The following TLE2 variants were observed in gnomAD, a reference collection of about 807,000 sequenced individuals.
TLE2 encodes TLE family member 2, transcriptional corepressor.
In TLE2, 74 loss-of-function variants were observed where a neutral mutation model predicts 97.2. That is an observed-to-expected ratio of 0.76 (90% CI 0.63 to 0.92). The LOEUF (loss-of-function observed/expected upper bound fraction) is 0.92, where lower values mean the gene tolerates loss of function less well. TLE2 is among the 40% of genes least tolerant of loss of function. The pLI is 0.00. For missense variants in TLE2, 1,038 were observed against 1,008.7 expected, an observed-to-expected ratio of 1.03 and a Z score of -0.39; for synonymous variants, 499 against 432.1, an observed-to-expected ratio of 1.15 and a Z score of -1.92.
upstream of TLE2, among the ~76,000 whole-genome samples, chr19:3,029,383 G>GC (rs556716112): frequency 1.9e-3 from 263 of 139,514 alleles, no homozygotes; most frequent in African/African-American, 5.4e-3. Flanking sequence ...CCGCGCCCGC[G>GC]CCCCCCCCGG....
At chr19:3,017,919 A>T (rs1222691356) in intron 7 of TLE2, 60 bp from the exon 8 acceptor site, 1 of 1,553,964 alleles carries the variant, frequency 6.4e-7, no homozygotes, top group Non-Finnish European at 8.8e-7. Context: ...GTTTGTATCC[A>T]CGGCGCCAGA....
At position 3,028,988 on chromosome 19, in the gene TLE2, G is replaced by C; in HGVS notation, c.-84C>G. On this transcript the variant is annotated 5_prime_UTR_variant, in exon 1 of 20. Transcript: ENST00000262953. ...AGAGTGGGGGAGGCTGAAGTGGGGT[G>C]GTGGGGAGGCTGCCCGAAGAAAGAG... 1 of 1,555,660 alleles carries C rather than the reference G, an allele frequency of 6.4e-7. No individual in the cohort carries two copies. Among genetic ancestry groups the C allele is most frequent in the East Asian group, 2.3e-5 (1 of 44,216 alleles).
At chr19:3,038,646 G>A (rs1368535383) in intron 1 of TLE2, among the ~76,000 whole-genome samples, 3 of 152,202 alleles carry the variant, frequency 2.0e-5, no homozygotes, top group African/African-American at 4.8e-5. Context: ...GGTGGCTCAC[G>A]CCTGTAATCC....
intron 12 of TLE2, 42 bp downstream of exon 12, chr19:3,010,980 C>A (rs370136153): frequency 1.3e-6 from 2 of 1,577,992 alleles, no homozygotes; most frequent in African/African-American, 2.7e-5. Context: ...TCCCCAGAGA[C>A]GAGGCCTGCT....
intron 19 of TLE2, among the ~76,000 whole-genome samples, chr19:3,000,376 G>C (rs2089329383): frequency 6.6e-6 from 1 of 151,952 alleles, no homozygotes; most frequent in South Asian, 2.1e-4. Context: ...TGCCCGGCTG[G>C]CAAATTTTAA....
At chr19:3,002,670 A>G (rs1411368713) in intron 17 of TLE2, among the ~76,000 whole-genome samples, 167 bp from the exon 18 acceptor site, 1 of 150,374 alleles carries the variant, frequency 6.7e-6, no homozygotes, top group Non-Finnish European at 1.5e-5. Context: ...CCAGAAGCTG[A>G]GACTACAGGC....
intron 19 of TLE2, among the ~76,000 whole-genome samples, chr19:2,998,945 C>T (rs181251891): frequency 6.6e-6 from 1 of 152,260 alleles, no homozygotes; most frequent in Non-Finnish European, 1.5e-5. Flanking sequence ...TTAGGCTTTG[C>T]CTAAAGTCTA....
chr19:3,005,756 A>G lies in TLE2; in HGVS notation c.1713T>C (p.Ile571=), dbSNP rs757611241. The stretch of plus-strand genomic sequence containing the variant: ...TCTGATTCTGCAGGTCCCAGACCAC[A>G]ATGTTGCCATCGCTGCAGCAGGAGA... The part of the protein sequence containing the change: ...VCFSCCSDGN[I]VVWDLQNQTM... The change falls in exon 16 of 20, where the codon ATT becomes ATC. Residue 571 remains isoleucine (I), a synonymous_variant. Coordinates refer to ENST00000262953, the MANE Select transcript of TLE2 (RefSeq NM_003260.5). 6.2e-7 allele frequency: 1 copy of G among 1,613,906 alleles called. No homozygotes were observed. The highest frequency in any genetic ancestry group is 1.1e-5 in the South Asian group (1 of 91,076).
chr19:3,015,828 C>A, intron 8 of TLE2, 68 bp from the exon 9 acceptor site: 1 of 1,190,390 alleles, frequency 8.4e-7, no homozygotes, highest in East Asian at 2.5e-5. Flanking sequence ...CATTGTGATC[C>A]AGCCGAGACT....
At chr19:3,026,455 TAAAAAAAAAAAA>T (rs34783402) in intron 4 of TLE2, among the ~76,000 whole-genome samples, 1 of 111,320 alleles carries the variant, frequency 9.0e-6, no homozygotes, top group Non-Finnish European at 1.9e-5. Context: ...TCTCAAAATT[TAAAAAAAAAAAA>T]AAAAAAAAAA....
Position 3,025,349 on chromosome 19 carries a change from C to T in TLE2, c.232-267G>A, listed in dbSNP as rs1050554697. The T allele has an allele frequency of 2.3e-5, 28 of 1,237,172 alleles. No homozygotes were observed. The African/African-American group carries it at 3.0e-4, about 13-fold the overall frequency. The allele number at this position is 1,237,172 out of a possible 1,614,324, so 76.6% of individuals were successfully genotyped here. ...TCCTACGAGTCACAGATACACCACC[C>T]GCCAGACGCACACCCGCCAGGGATT... is the stretch of plus-strand genomic sequence containing the variant. On this transcript the variant is annotated intron_variant, in intron 4 of 19. Transcript: ENST00000262953.
chr19:3,032,293 G>C, upstream of TLE2, among the ~76,000 whole-genome samples: 1 of 152,068 alleles, frequency 6.6e-6, no homozygotes, highest in East Asian at 1.9e-4. The surrounding 1 kb of genome is among the most constrained non-coding windows in gnomAD (Gnocchi z 4.1). Context: ...GGAGTGCAGT[G>C]GCGTGATCTC....
chr19:3,002,272 TTATC>T (rs1423840803), intron 18 of TLE2, 77 bp downstream of exon 18: 22 of 1,480,066 alleles, frequency 1.5e-5, no homozygotes, highest in Non-Finnish European at 1.8e-5. Flanking sequence ...TATTTGTTAT[TTATC>T]TAAGATTCAG....
At chr19:3,041,441 C>T (rs1177948129) in intron 1 of TLE2, among the ~76,000 whole-genome samples, 3 of 152,120 alleles carry the variant, frequency 2.0e-5, no homozygotes, top group Admixed American at 6.5e-5. Flanking sequence ...GCTTCGCCAC[C>T]GGGATTCCCT....
rs563951950 is a variant in TLE2, at chr19:3,038,462, C to G, written c.63+7264G>C. Reference sequence around the variant, plus strand: ...TCCTGGGCTCAAGCAGTCCTCTTCCCTCAGCTTCACAGAGTGCTGGGATTA... The same window carrying G: ...TCCTGGGCTCAAGCAGTCCTCTTCCGTCAGCTTCACAGAGTGCTGGGATTA... On this transcript the variant is annotated intron_variant, in intron 1 of 18. Transcript: ENST00000426948. Among the ~76,000 whole-genome samples the G allele has an allele frequency of 1.6e-4, 25 of 152,374 alleles. No homozygotes were observed. The South Asian group carries it at 4.8e-3, about 29-fold the overall frequency.
chr19:2,998,178 C>G (rs926950948), intron 19 of TLE2, among the ~76,000 whole-genome samples: 106 of 152,100 alleles, frequency 7.0e-4, no homozygotes, highest in Non-Finnish European at 9.7e-4. Context: ...TCAAGACACT[C>G]TCCTGCCTCA....
rs747932703 is a variant in TLE2 at position 3,009,636 on chromosome 19, G to A, written c.1079C>T (p.Thr360Ile). The change falls in exon 13 of 20, where the codon ACT becomes ATT. Residue 360 changes from threonine to isoleucine, a missense_variant. By Grantham distance (89) the Thr-to-Ile change is moderately conservative. Transcript: ENST00000262953. ...TTSFSLGSHS[T>I]LNGDLSVPSS... ...GGGCACGGAGAGGTCTCCGTTGAGA[G>A]TGCTGTGGGAGCCCAGGCTGAAGGA... 1.2e-6 allele frequency: 2 copies of A among 1,613,326 alleles called. No homozygotes were observed. The highest frequency in any genetic ancestry group is 1.7e-6 in the Non-Finnish European group (2 of 1,179,658).
Position 3,028,729 on chromosome 19 carries a change from C to T in TLE2, c.99G>A (p.Gln33=), listed in dbSNP as rs2089989056. The change falls in exon 2 of 20, where the codon CAG becomes CAA. Residue 33 remains glutamine, a synonymous_variant. Transcript: ENST00000262953. ...ACCTGTGGTATTGAGCCTGAAGAAACTGGAATTCTTCTTTGATGCGGTCGC... is the reference window on the plus strand; with the variant it reads ...ACCTGTGGTATTGAGCCTGAAGAAATTGGAATTCTTCTTTGATGCGGTCGC... ...EICDRIKEEF[Q]FLQAQYHSLK... 5 of 1,612,942 alleles carry T rather than the reference C, an allele frequency of 3.1e-6. No individual in the cohort carries two copies. The highest frequency in any genetic ancestry group is 4.2e-6 in the Non-Finnish European group (5 of 1,179,830).
chr19:3,041,010 TA>T (rs2090097729), intron 1 of TLE2, among the ~76,000 whole-genome samples: 113 of 43,082 alleles, frequency 2.6e-3, no homozygotes, highest in Middle Eastern at 8.1e-3. Flanking sequence ...TATATATATA[TA>T]TATTTTTTTT....
Sources: allele counts gnomAD v4.1 joint callset (sites outside exome capture counted in the v4.1 genomes callset), GRCh38; gene constraint gnomAD v4.1.1; non-coding constraint Gnocchi (gnomAD v3.1); transcripts MANE v1.5; gene names NCBI Gene and HGNC (gene_info 2026-07-23, HGNC 2026-07-21).